SPOPL: variants seen among roughly 807,000 people sequenced by gnomAD.
The protein encoded by SPOPL is speckle-type POZ protein-like.
A neutral mutation model predicts 53.8 loss-of-function variants in SPOPL; 23 were observed. The ratio of observed to expected loss-of-function variants is 0.43; its 90% confidence interval spans 0.31 to 0.61. SPOPL has a LOEUF of 0.61. Ranked by LOEUF, SPOPL falls within the 20% of genes least tolerant of loss-of-function variation. The pLI is 0.12. For synonymous variants in SPOPL, 164 were observed against 149.7 expected (o/e 1.10, Z -0.70); for missense variants, 442 against 466.9 (o/e 0.95, Z 0.49).
rs769229731 is a variant in SPOPL, at chr2:138,532,420, C to CTTT, written c.-60-17715_-60-17713dup. On this transcript the variant is annotated intron_variant, in intron 1 of 10. Transcript: ENST00000280098. Reference sequence around the variant, plus strand: ...CAATTTATTTATTTATTTTTGTTCGCTTTTTTTTTTTTTTTTTTTTTTTTG... The same window carrying CTTT: ...CAATTTATTTATTTATTTTTGTTCGCTTTTTTTTTTTTTTTTTTTTTTTTTTTG... Among the ~76,000 whole-genome samples, 100 of 53,252 alleles carry CTTT rather than the reference C, an allele frequency of 1.9e-3. 2 individuals carry two copies. Among genetic ancestry groups the CTTT allele is most frequent in the African/African-American group, 3.4e-3 (47 of 13,976 alleles). 34.9% of individuals were successfully genotyped at this position (53,252 alleles called of 152,430 possible).
rs182560795 is a variant in SPOPL at position 138,571,341 on chromosome 2, T to G, written c.*2261T>G. The G allele has an allele frequency of 3.9e-4, 59 of 152,668 alleles. 2 individuals are homozygous for G. Among genetic ancestry groups the G allele is most frequent in the Admixed American group, 2.8e-3 (43 of 15,272 alleles). 9.5% of individuals were successfully genotyped at this position (152,668 alleles called of 1,614,324 possible). ...ATACCGTATAATGAACATTTCAGCT[T>G]CTTCTTACTTACTCGAGAGTTTATT... On this transcript the variant is annotated 3_prime_UTR_variant, in exon 11 of 11. Transcript: ENST00000280098.
At position 138,548,239 on chromosome 2, in the gene SPOPL, CTT is replaced by C. The variant is rs34021497; in HGVS notation, c.-60-1899_-60-1898del. ...TTCATTGATTACAAGTGAAGGTAAA[CTT>C]TTTTTTTTTTTTTTTTTTGGTAATC... On this transcript the variant is annotated intron_variant, in intron 1 of 10. Coordinates refer to ENST00000280098, the MANE Select transcript of SPOPL (RefSeq NM_001001664.3). Among the ~76,000 whole-genome samples the C allele has an allele frequency of 2.0e-3, 180 of 88,964 alleles. 1 individual carries two copies. The highest frequency in any genetic ancestry group is 4.7e-3 in the South Asian group (13 of 2,772). The allele number at this position is 88,964 out of a possible 152,430, so 58.4% of individuals were successfully genotyped here. A position where few individuals can be genotyped will look rare whatever the true frequency, so the allele number is the denominator to read the frequency against.
intron 1 of SPOPL, among the ~76,000 whole-genome samples, chr2:138,548,413 A>C (rs1685244461): frequency 1.3e-5 from 2 of 151,914 alleles, no homozygotes; most frequent in Admixed American, 6.6e-5. Context: ...AGAAATTGGT[A>C]GCTTGTATTT....
chr2:138,527,240 C>G (rs1218702304), intron 1 of SPOPL, among the ~76,000 whole-genome samples: 1 of 151,984 alleles, frequency 6.6e-6, no homozygotes, highest in East Asian at 1.9e-4. Context: ...TGAGGCCTGT[C>G]TATGAACTTG....
intron 1 of SPOPL, among the ~76,000 whole-genome samples, chr2:138,545,494 C>T (rs1685173706): frequency 6.6e-6 from 1 of 151,592 alleles, no homozygotes; most frequent in Non-Finnish European, 1.5e-5. Context: ...AGTGCAGTGG[C>T]GTGATCTCAG....
At chr2:138,509,229 C>A (rs1238444800) in intron 1 of SPOPL, among the ~76,000 whole-genome samples, 1 of 152,066 alleles carries the variant, frequency 6.6e-6, no homozygotes, top group East Asian at 1.9e-4. Flanking sequence ...AAAATACTCC[C>A]CTTCCCCCAA....
intron 1 of SPOPL, among the ~76,000 whole-genome samples, chr2:138,503,512 CTTA>C (rs1684150344): frequency 1.3e-5 from 2 of 152,164 alleles, no homozygotes; most frequent in Non-Finnish European, 2.9e-5. Flanking sequence ...AAGCTACTTT[CTTA>C]TTCTTTGACA....
At chr2:138,558,640 G>T (rs1446596441) in intron 5 of SPOPL, among the ~76,000 whole-genome samples, 1 of 151,980 alleles carries the variant, frequency 6.6e-6, no homozygotes, top group Non-Finnish European at 1.5e-5. Context: ...AAATTTAAAT[G>T]TAGGTAGGTT....
At chr2:138,568,842 A>G in intron 10 of SPOPL, 94 bp from the exon 11 acceptor site, 1 of 1,316,534 alleles carries the variant, frequency 7.6e-7, no homozygotes, top group South Asian at 1.4e-5. Flanking sequence ...GTGTTCAAAT[A>G]TTTTGAAATT....
intron 1 of SPOPL, among the ~76,000 whole-genome samples, chr2:138,517,349 G>C (rs574552351): frequency 3.9e-5 from 6 of 152,122 alleles, no homozygotes. Context: ...TGCTTACTTT[G>C]TTGTTTCCTT....
chr2:138,553,638 G>C (rs1685360140), intron 5 of SPOPL, among the ~76,000 whole-genome samples: 1 of 151,998 alleles, frequency 6.6e-6, no homozygotes, highest in African/African-American at 2.4e-5. Context: ...CAAACTAATT[G>C]TATGACATTA....
chr2:138,503,929 TTCA>T (rs1684159721), intron 1 of SPOPL, among the ~76,000 whole-genome samples: 1 of 152,240 alleles, frequency 6.6e-6, no homozygotes, highest in African/African-American at 2.4e-5. Context: ...GTTATGTTCA[TTCA>T]TATTCACATG....
rs372081034 is a variant in SPOPL at position 138,541,042 on chromosome 2, C to T, written c.-60-9115C>T. ...TTGTTTCTGTTTATATGCTGGATTACGTTTATTGATTTGCATATGTTGAAG... is the reference window on the plus strand; with the variant it reads ...TTGTTTCTGTTTATATGCTGGATTATGTTTATTGATTTGCATATGTTGAAG... On this transcript the variant is annotated intron_variant, in intron 1 of 10. Transcript: ENST00000280098. Among the ~76,000 whole-genome samples the T allele has an allele frequency of 1.2e-4, 18 of 152,136 alleles. No homozygotes were observed. The South Asian group carries it at 2.9e-3, about 25-fold the overall frequency.
intron 1 of SPOPL, among the ~76,000 whole-genome samples, chr2:138,509,985 T>C (rs1684294066): frequency 6.6e-6 from 1 of 152,234 alleles, no homozygotes; most frequent in Admixed American, 6.5e-5. Context: ...TGTGTAGCCT[T>C]TTCAGATTAG....
At position 138,518,062 on chromosome 2, in the gene SPOPL, A is replaced by AAAG. The variant is rs1553468042; in HGVS notation, c.-61+15945_-61+15946insGAA. On this transcript the variant is annotated intron_variant, in intron 1 of 10. Coordinates refer to ENST00000280098, the MANE Select transcript of SPOPL (RefSeq NM_001001664.3). ...AAACTGTCTCAAAAAAAAAAAAAAAAAAAGAAAAGGAAAAAGAAATTCTGA... is the reference window on the plus strand; with the variant it reads ...AAACTGTCTCAAAAAAAAAAAAAAAAAAGAAAGAAAAGGAAAAAGAAATTCTGA... Among the ~76,000 whole-genome samples the AAAG allele has an allele frequency of 9.9e-5, 15 of 151,058 alleles. No homozygotes were observed. The East Asian group carries it at 1.4e-3, about 14-fold the overall frequency.
At chr2:138,508,536 G>A (rs2104854022) in intron 1 of SPOPL, among the ~76,000 whole-genome samples, 1 of 152,152 alleles carries the variant, frequency 6.6e-6, no homozygotes, top group South Asian at 2.1e-4. Flanking sequence ...TCACCATGTT[G>A]GCCAGGCTGG....
At chr2:138,552,051 G>A (rs1181611992) in intron 4 of SPOPL, among the ~76,000 whole-genome samples, 1 of 152,084 alleles carries the variant, frequency 6.6e-6, no homozygotes, top group East Asian at 1.9e-4. Context: ...CAGGTTCATG[G>A]ATTTTTCTAT....
Position 138,506,468 on chromosome 2 carries a change from G to A in SPOPL, c.-61+4349G>A, listed in dbSNP as rs191484114. On this transcript the variant is annotated intron_variant, in intron 1 of 10. Transcript: ENST00000280098. ...GTAGTCAAGAGTTGGTGGAACCTTG[G>A]TTCAGGATGGCAGTGATAGAGATAA... is the stretch of plus-strand genomic sequence containing the variant. 2.0e-5 allele frequency among the ~76,000 whole-genome samples: 3 copies of A among 152,268 alleles called. No individual in the cohort carries two copies. In the East Asian group the frequency reaches 5.8e-4, roughly 29 times the overall value.
intron 1 of SPOPL, among the ~76,000 whole-genome samples, chr2:138,523,131 C>T (rs1684592454): frequency 6.6e-6 from 1 of 152,142 alleles, no homozygotes; most frequent in Admixed American, 6.5e-5. Flanking sequence ...GGGCAGTTTA[C>T]AAAAGAAAGG....
Sources: allele counts gnomAD v4.1 joint callset (sites outside exome capture counted in the v4.1 genomes callset), GRCh38; gene constraint gnomAD v4.1.1; transcripts MANE v1.5; gene names NCBI Gene and HGNC (gene_info 2026-07-23, HGNC 2026-07-21).